Variants in DEPDC7 observed in about 807,000 individuals in gnomAD.
The protein encoded by DEPDC7 is DEP domain-containing protein 7.
Under a neutral mutation model 56.6 loss-of-function variants are expected in DEPDC7, and 41 were observed. The observed-to-expected ratio is 0.72, with a 90% CI of 0.56 to 0.94. DEPDC7 has a LOEUF of 0.94. Ranked by LOEUF, DEPDC7 falls within the 40% of genes least tolerant of loss-of-function variation. The probability of loss-of-function intolerance (pLI) is 0.00; values close to 1 mark genes in which losing one functional copy is unlikely to be tolerated. For missense variants in DEPDC7, 522 were observed against 596.3 expected (o/e 0.88, Z 1.30); for synonymous variants, 185 against 208.8 (o/e 0.89, Z 0.98).
At chr11:33,028,323 C>T (rs1853598971) in intron 3 of DEPDC7, 2 of 294,028 alleles carry the variant, frequency 6.8e-6, no homozygotes, top group East Asian at 6.1e-5. Context: ...CTTCCAGAGT[C>T]CTTATTAACA....
chr11:33,030,985 T>C (rs1177836310), intron 4 of DEPDC7, among the ~76,000 whole-genome samples: 1 of 152,222 alleles, frequency 6.6e-6, no homozygotes, highest in Non-Finnish European at 1.5e-5. Flanking sequence ...AACATTGTGT[T>C]GGAGAAATAC....
Position 33,033,520 on chromosome 11 carries a change from C to A in DEPDC7, c.*65C>A. 1 of 1,211,526 alleles carries A rather than the reference C, an allele frequency of 8.3e-7. No homozygotes were observed. The highest frequency in any genetic ancestry group is 1.1e-6 in the Non-Finnish European group (1 of 883,390). 75.0% of individuals were successfully genotyped at this position (1,211,526 alleles called of 1,614,324 possible). On this transcript the variant is annotated 3_prime_UTR_variant, in exon 9 of 9. Coordinates refer to ENST00000241051, the MANE Select transcript of DEPDC7 (RefSeq NM_001077242.2). ...AAATTATGTATCCTAAATATCCAAT[C>A]ACATTTGTAAGCGTGGAAGCTCTAA...
At chr11:33,029,927 A>G (rs796244322) in intron 4 of DEPDC7, among the ~76,000 whole-genome samples, 7 of 152,320 alleles carry the variant, frequency 4.6e-5, no homozygotes, top group East Asian at 1.9e-4. Context: ...ACACATTTCT[A>G]TAACCTAAAG....
chr11:33,032,938 A>C lies in DEPDC7; in HGVS notation c.1313A>C (p.Gln438Pro). 3 of 1,599,212 alleles carry C rather than the reference A, an allele frequency of 1.9e-6. No individual in the cohort carries two copies. The highest frequency in any genetic ancestry group is 2.6e-6 in the Non-Finnish European group (3 of 1,173,500). Reference sequence around the variant, plus strand: ...GTAAGTGTTAAGCTTATGGCCATACAGAACGGAAGAGATCCAAATAGAGAT... The same window carrying C: ...GTAAGTGTTAAGCTTATGGCCATACCGAACGGAAGAGATCCAAATAGAGAT... Reference protein sequence around the residue: ...KIVSVKLMAIQNGRDPNRDAG... With the variant: ...KIVSVKLMAIPNGRDPNRDAG... The change falls in exon 8 of 9, where the codon CAG (glutamine) becomes CCG (proline). Residue 438 changes from glutamine (Q) to proline (P), a missense_variant. Gln to Pro is a moderately conservative substitution (Grantham distance 76, BLOSUM62 -1). Coordinates refer to ENST00000241051, the MANE Select transcript of DEPDC7 (RefSeq NM_001077242.2).
intron 1 of DEPDC7, among the ~76,000 whole-genome samples, chr11:33,017,545 G>A (rs1041488914): frequency 6.6e-6 from 1 of 152,186 alleles, no homozygotes; most frequent in African/African-American, 2.4e-5. Flanking sequence ...TGCAGTGGAC[G>A]GAGAGGGGCC....
chr11:33,029,943 T>C (rs770292186), intron 4 of DEPDC7, among the ~76,000 whole-genome samples: 2 of 152,198 alleles, frequency 1.3e-5, no homozygotes, highest in East Asian at 1.9e-4. Context: ...TAAAGGAACA[T>C]GTGAAACATT....
intron 2 of DEPDC7, among the ~76,000 whole-genome samples, chr11:33,027,132 C>T (rs543464229): frequency 5.5e-4 from 84 of 152,264 alleles, no homozygotes; most frequent in African/African-American, 1.9e-3. Flanking sequence ...TTATGTGGTT[C>T]ACCATCCCTG....
intron 4 of DEPDC7, among the ~76,000 whole-genome samples, chr11:33,030,590 G>C (rs1853623190): frequency 6.6e-6 from 1 of 151,960 alleles, no homozygotes. Flanking sequence ...TTATTTTGTT[G>C]GTTTGTTTTT....
chr11:33,017,195 A>T (rs1441422705), intron 1 of DEPDC7, among the ~76,000 whole-genome samples: 1 of 152,234 alleles, frequency 6.6e-6, no homozygotes, highest in Non-Finnish European at 1.5e-5. Flanking sequence ...TAGTGGCCAC[A>T]TTGAGAATGT....
intron 6 of DEPDC7, 55 bp from the exon 7 acceptor site, chr11:33,032,613 A>G: frequency 7.2e-7 from 1 of 1,389,552 alleles, no homozygotes; most frequent in Non-Finnish European, 9.7e-7. Context: ...TCCCTTTTAT[A>G]TTAAACTTGT....
At chr11:33,016,214 T>A in intron 1 of DEPDC7, 186 bp downstream of exon 1, 2 of 1,295,978 alleles carry the variant, frequency 1.5e-6, no homozygotes, top group Non-Finnish European at 1.9e-6. Context: ...ATCGAGTTCC[T>A]CTCTGGCTGG....
At chr11:33,023,414 T>C (rs921299958) in intron 1 of DEPDC7, among the ~76,000 whole-genome samples, 17 of 152,228 alleles carry the variant, frequency 1.1e-4, no homozygotes, top group Non-Finnish European at 2.9e-5. Context: ...TACAGAATTA[T>C]GCTACAAGTG....
chr11:33,024,802 CTGTGTGTGTGTGTGTGTGTG>C (rs35371602), intron 1 of DEPDC7, among the ~76,000 whole-genome samples: 1 of 146,396 alleles, frequency 6.8e-6, no homozygotes, highest in Non-Finnish European at 1.5e-5. Flanking sequence ...ATGCATGACT[CTGTGTGTGTGTGTGTGTGTG>C]TGTGTGTGTG....
intron 1 of DEPDC7, among the ~76,000 whole-genome samples, chr11:33,019,860 A>G (rs184300342): frequency 6.6e-6 from 1 of 151,048 alleles, no homozygotes; most frequent in East Asian, 1.9e-4. Context: ...AGAAACATCA[A>G]CTGTCTGGAT....
chr11:33,025,954 A>G lies in DEPDC7; in HGVS notation c.369A>G (p.Thr123=), dbSNP rs1246605286. The G allele has an allele frequency of 1.9e-6, 3 of 1,614,024 alleles. No homozygotes were observed. The highest frequency in any genetic ancestry group is 2.5e-6 in the Non-Finnish European group (3 of 1,180,010). Residue 123 remains threonine, a synonymous_variant, in exon 2 of 9, where the codon ACA becomes ACG. Transcript: ENST00000241051. ...TKVFGKDKKP[T]FEDSSCSLYR... is the part of the protein sequence containing the mutation. ...TCTTTGGAAAAGACAAAAAACCTAC[A>G]TTTGAAGATAGTAGTTGCAGCCTTT...
At chr11:33,032,289 T>G in intron 5 of DEPDC7, 47 bp from the exon 6 acceptor site, 1 of 1,502,396 alleles carries the variant, frequency 6.7e-7, no homozygotes, top group Non-Finnish European at 8.9e-7. Flanking sequence ...CCCTTTAATA[T>G]AGTCATATTT....
intron 1 of DEPDC7, chr11:33,016,492 G>A: frequency 2.5e-6 from 4 of 1,612,662 alleles, no homozygotes; most frequent in Non-Finnish European, 3.4e-6. Flanking sequence ...TCTCCAGACT[G>A]CTAGGAGTCA....
intron 6 of DEPDC7, 90 bp from the exon 7 acceptor site, chr11:33,032,578 T>C: frequency 7.4e-7 from 1 of 1,347,482 alleles, no homozygotes; most frequent in South Asian, 1.5e-5. Flanking sequence ...TGCTGAAATG[T>C]ATAATAGCTA....
intron 4 of DEPDC7, among the ~76,000 whole-genome samples, chr11:33,030,107 A>G (rs1008099757): frequency 6.6e-6 from 1 of 151,984 alleles, no homozygotes; most frequent in African/African-American, 2.4e-5. Context: ...CTACAGGCGC[A>G]CGCCACCATG....
Sources: gnomAD v4.1 joint callset for allele counts (sites outside exome capture counted in the v4.1 genomes callset) on GRCh38, gnomAD v4.1.1 for gene constraint, MANE v1.5 for transcripts, NCBI Gene and HGNC (gene_info 2026-07-23, HGNC 2026-07-21) for gene names.